Variants in PIBF1 observed in about 807,000 individuals in gnomAD.
PIBF1 encodes progesterone-induced-blocking factor 1.
In PIBF1, 90 loss-of-function variants were observed where a neutral mutation model predicts 112.5. The ratio of observed to expected loss-of-function variants is 0.80; its 90% CI spans 0.67 to 0.95. The LOEUF is 0.95. PIBF1 is among the 40% of genes least tolerant of loss of function. The pLI, the probability that PIBF1 is intolerant of heterozygous loss-of-function variation, is 0.00. For missense variants in PIBF1, 915 were observed against 852.3 expected, an observed-to-expected ratio of 1.07 and a Z score of -0.92; for synonymous variants, 301 against 288.6, an observed-to-expected ratio of 1.04 and a Z score of -0.44.
rs761881919 is a variant in PIBF1, at chr13:72,913,208, CAT to C, written c.1640-3867_1640-3866del. Among the ~76,000 whole-genome samples, 136 of 152,028 alleles carry C rather than the reference CAT, an allele frequency of 8.9e-4. 2 individuals are homozygous for C. Among genetic ancestry groups the C allele is most frequent in the Non-Finnish European group, 9.7e-4 (66 of 67,984 alleles). ...ATCTTGATAGGGTTTGTGTTAAACA[CAT>C]GTCTGTACATTTCAAAACTTTTACA... On this transcript the variant is annotated intron_variant, in intron 12 of 17. Coordinates refer to ENST00000326291, the MANE Select transcript of PIBF1 (RefSeq NM_006346.4).
chr13:72,909,003 T>C (rs2040804694), intron 12 of PIBF1, among the ~76,000 whole-genome samples: 1 of 151,456 alleles, frequency 6.6e-6, no homozygotes, highest in Non-Finnish European at 1.5e-5. Flanking sequence ...GCCGAAATCA[T>C]GCCACTGTAC....
intron 5 of PIBF1, among the ~76,000 whole-genome samples, chr13:72,804,145 C>T (rs1407484120): frequency 6.6e-6 from 1 of 152,056 alleles, no homozygotes; most frequent in African/African-American, 2.4e-5. Context: ...CCAATGGTGT[C>T]ATTAATTTTA....
At chr13:72,828,451 G>T (rs370946516) in intron 8 of PIBF1, among the ~76,000 whole-genome samples, 1 of 151,770 alleles carries the variant, frequency 6.6e-6, no homozygotes, top group African/African-American at 2.4e-5. Flanking sequence ...GACAGGCGCC[G>T]GTGTGTGATG....
At chr13:72,835,073 G>A (rs1411859496) in intron 8 of PIBF1, among the ~76,000 whole-genome samples, 170 bp from the exon 9 acceptor site, 1 of 151,888 alleles carries the variant, frequency 6.6e-6, no homozygotes, top group Non-Finnish European at 1.5e-5. Flanking sequence ...ATACTAGTTA[G>A]GAACAGTATT....
At chr13:72,932,879 G>C (rs1417088181) in intron 14 of PIBF1, among the ~76,000 whole-genome samples, 1 of 152,110 alleles carries the variant, frequency 6.6e-6, no homozygotes, top group Non-Finnish European at 1.5e-5. Context: ...GGATTCATTT[G>C]TACTTCATTC....
At chr13:72,787,219 T>C (rs1422885560) in intron 2 of PIBF1, among the ~76,000 whole-genome samples, 2 of 152,228 alleles carry the variant, frequency 1.3e-5, no homozygotes, top group Non-Finnish European at 2.9e-5. Flanking sequence ...TAAATTGGTA[T>C]GTGACATATT....
intron 17 of PIBF1, among the ~76,000 whole-genome samples, chr13:73,010,810 C>CTTTTTTTTTTTTTTT (rs1176079981): frequency 0.012 from 470 of 40,300 alleles, 123 homozygotes; most frequent in Non-Finnish European, 0.014. Context: ...ATTAACTTTT[C>CTTTTTTTTTTTTTTT]TTTTTTTTTT....
intron 14 of PIBF1, among the ~76,000 whole-genome samples, chr13:72,959,773 T>C (rs2042556022): frequency 1.3e-5 from 2 of 152,204 alleles, no homozygotes; most frequent in African/African-American, 4.8e-5. Context: ...GAATCATATG[T>C]ACAGGTTATT....
At chr13:72,965,243 C>T (rs1409673893) in intron 14 of PIBF1, 31 bp from the exon 15 acceptor site, 1 of 1,592,528 alleles carries the variant, frequency 6.3e-7, no homozygotes, top group South Asian at 1.1e-5. Flanking sequence ...GTCACATTTT[C>T]TAGATTTTAA....
intron 6 of PIBF1, among the ~76,000 whole-genome samples, chr13:72,823,489 A>G (rs1025180593): frequency 8.5e-5 from 13 of 152,200 alleles, no homozygotes; most frequent in Non-Finnish European, 1.5e-4. Flanking sequence ...GACCCTTTTT[A>G]GTTCACTCAG....
intron 10 of PIBF1, among the ~76,000 whole-genome samples, chr13:72,891,929 C>G (rs112670943): frequency 4.5e-4 from 68 of 152,116 alleles, no homozygotes; most frequent in African/African-American, 1.6e-3. Flanking sequence ...TTGAAAACAT[C>G]AGAAGGCCAC....
chr13:72,856,163 G>A (rs1436603864), intron 10 of PIBF1, among the ~76,000 whole-genome samples: 2 of 152,092 alleles, frequency 1.3e-5, no homozygotes, highest in African/African-American at 2.4e-5. Flanking sequence ...AAACAATAGA[G>A]GATTCAATTA....
chr13:72,815,476 G>C lies in PIBF1; in HGVS notation c.673-6373G>C, dbSNP rs538352014. 1.9e-4 allele frequency among the ~76,000 whole-genome samples: 29 copies of C among 152,262 alleles called. No individual in the cohort carries two copies. The South Asian group carries it at 5.4e-3, about 28-fold the overall frequency. ...ATTTGAAGAAAACTATAAAATCTTG[G>C]AACATGGAAGCATCGTACCTTAAGT... On this transcript the variant is annotated intron_variant, in intron 5 of 17. Transcript: ENST00000326291.
intron 11 of PIBF1, among the ~76,000 whole-genome samples, chr13:72,899,557 A>T (rs936328213): frequency 2.0e-5 from 3 of 152,196 alleles, no homozygotes; most frequent in Admixed American, 1.3e-4. Flanking sequence ...GTTAGACAAA[A>T]TCCAGCATCG....
chr13:72,818,234 G>A, intron 5 of PIBF1, among the ~76,000 whole-genome samples: 1 of 152,006 alleles, frequency 6.6e-6, no homozygotes, highest in East Asian at 1.9e-4. Flanking sequence ...CTGCTTCTTT[G>A]GAACTCATCA....
chr13:72,811,711 C>G (rs1476281412), intron 5 of PIBF1, among the ~76,000 whole-genome samples: 3 of 152,024 alleles, frequency 2.0e-5, no homozygotes, highest in Non-Finnish European at 4.4e-5. Flanking sequence ...AAGTCATACA[C>G]TATTACGTTA....
chr13:72,792,125 GTC>G (rs2034963152), intron 2 of PIBF1, among the ~76,000 whole-genome samples: 1 of 151,882 alleles, frequency 6.6e-6, no homozygotes, highest in South Asian at 2.1e-4. Context: ...GTGAAACCCT[GTC>G]TCTACTAAAA....
intron 14 of PIBF1, among the ~76,000 whole-genome samples, chr13:72,957,516 A>T (rs2042479546): frequency 1.3e-5 from 2 of 152,264 alleles, no homozygotes; most frequent in Admixed American, 1.3e-4. Flanking sequence ...CTCATGGGGA[A>T]GGGTGGGAGC....
intron 10 of PIBF1, among the ~76,000 whole-genome samples, chr13:72,863,125 C>A (rs767493386): frequency 1.2e-4 from 18 of 151,914 alleles, no homozygotes; most frequent in Non-Finnish European, 2.6e-4. Context: ...ATGGAACAGA[C>A]TATATATTTT....
Sources: allele counts gnomAD v4.1 joint callset (sites outside exome capture counted in the v4.1 genomes callset), GRCh38; gene constraint gnomAD v4.1.1; transcripts MANE v1.5; gene names NCBI Gene and HGNC (gene_info 2026-07-23, HGNC 2026-07-21).